Variants in CAST observed in about 807,000 individuals in gnomAD.
CAST encodes the protein calpastatin.
Under a neutral mutation model 119.6 loss-of-function variants are expected in CAST, and 76 were observed. The ratio of observed to expected loss-of-function variants is 0.64; its 90% CI spans 0.53 to 0.77. CAST has a LOEUF of 0.77. Ranked by LOEUF, CAST falls within the 30% of genes least tolerant of loss-of-function variation. The pLI is 0.00. For synonymous variants in CAST, 319 were observed against 331.6 expected, an observed-to-expected ratio of 0.96 and a Z score of 0.41; for missense variants, 953 against 946.5, an observed-to-expected ratio of 1.01 and a Z score of -0.09.
At chr5:96,714,597 G>C (rs971578679) in intron 3 of CAST, 1 of 152,116 alleles carries the variant, frequency 6.6e-6, no homozygotes, top group Non-Finnish European at 1.5e-5. Context: ...CAGAAAGTAG[G>C]CTGCATTTTC....
the CAST span, among the ~76,000 whole-genome samples, chr5:96,050,383 G>T: frequency 6.6e-6 from 1 of 151,988 alleles, no homozygotes; most frequent in Non-Finnish European, 1.5e-5. Context: ...AGGGTGGGAG[G>T]GGGTGGAATT....
At chr5:96,467,735 C>T in the CAST span, among the ~76,000 whole-genome samples, 3 of 151,792 alleles carry the variant, frequency 2.0e-5, no homozygotes, top group Middle Eastern at 3.4e-3. Flanking sequence ...AAAACAATAG[C>T]TGTTGGCGTG....
At chr5:96,643,781 G>A (rs1198750323) in intron 1 of CAST, among the ~76,000 whole-genome samples, 1 of 152,188 alleles carries the variant, frequency 6.6e-6, no homozygotes, top group East Asian at 1.9e-4. Context: ...GCTGAAGCAG[G>A]AGAATCGCTT....
intron 1 of CAST, among the ~76,000 whole-genome samples, chr5:96,648,314 G>A (rs1327552370): frequency 6.6e-6 from 1 of 152,104 alleles, no homozygotes; most frequent in Non-Finnish European, 1.5e-5. Context: ...TCAGGATAGA[G>A]TCACTCAGCA....
chr5:96,555,396 C>G (rs556635137), intron 1 of CAST, among the ~76,000 whole-genome samples: 1 of 152,154 alleles, frequency 6.6e-6, no homozygotes, highest in Non-Finnish European at 1.5e-5. Flanking sequence ...GTGGGTGCAG[C>G]GCACCCAGCG....
the CAST span, among the ~76,000 whole-genome samples, chr5:96,273,052 C>T: frequency 6.6e-6 from 1 of 152,244 alleles, no homozygotes; most frequent in East Asian, 1.9e-4. Context: ...ATATTTTACA[C>T]CAGTATACCT....
At chr5:96,056,051 C>T in the CAST span, among the ~76,000 whole-genome samples, 4 of 151,998 alleles carry the variant, frequency 2.6e-5, no homozygotes, top group Non-Finnish European at 5.9e-5. Context: ...TTGAAAACAT[C>T]GTTTTAAAGG....
chr5:96,376,747 A>G, the CAST span, among the ~76,000 whole-genome samples: 2 of 152,300 alleles, frequency 1.3e-5, no homozygotes, highest in East Asian at 1.9e-4. Context: ...GCCCCATACT[A>G]TATTTTTAAT....
chr5:96,629,683 C>G (rs1256562050), intron 1 of CAST, among the ~76,000 whole-genome samples: 1 of 152,190 alleles, frequency 6.6e-6, no homozygotes, highest in African/African-American at 2.4e-5. Context: ...CTTCCAATCT[C>G]ATTCTTTAAC....
chr5:96,692,021 A>G (rs1752783292), intron 2 of CAST, among the ~76,000 whole-genome samples: 1 of 152,222 alleles, frequency 6.6e-6, no homozygotes, highest in Non-Finnish European at 1.5e-5. Flanking sequence ...TACAATAGAT[A>G]TACAAAAAAG....
rs543265817 is a variant in CAST, at chr5:96,736,691, A to G, written c.699+451A>G. 8.6e-4 allele frequency among the ~76,000 whole-genome samples: 131 copies of G among 152,256 alleles called. 6 individuals carry two copies. In the South Asian group the frequency reaches 0.027, roughly 31 times the overall value. On this transcript the variant is annotated intron_variant, in intron 10 of 31. Transcript: ENST00000675179. ...ATGGTAGTTGCAAAAAAAAAAGACA[A>G]TTTAAATAATTATTTTTCATCTAAA...
At chr5:96,277,051 T>C in the CAST span, among the ~76,000 whole-genome samples, 1 of 152,250 alleles carries the variant, frequency 6.6e-6, no homozygotes, top group Non-Finnish European at 1.5e-5. Context: ...TATTCCATTG[T>C]ATAAATAAAC....
intron 3 of CAST, among the ~76,000 whole-genome samples, chr5:96,705,383 G>A (rs1754752939): frequency 6.6e-6 from 1 of 151,630 alleles, no homozygotes; most frequent in Non-Finnish European, 1.5e-5. Flanking sequence ...TTGATGGAAA[G>A]CCATAAAAAT....
the CAST span, among the ~76,000 whole-genome samples, chr5:96,014,571 A>T: frequency 1.3e-5 from 2 of 152,162 alleles, no homozygotes; most frequent in African/African-American, 4.8e-5. Flanking sequence ...CAAACACATG[A>T]GTAATGCATT....
At chr5:96,067,608 A>T in the CAST span, among the ~76,000 whole-genome samples, 2 of 152,330 alleles carry the variant, frequency 1.3e-5, no homozygotes, top group African/African-American at 4.8e-5. Flanking sequence ...ACCTGTGCTT[A>T]AAAAGATCCA....
At chr5:96,558,063 G>T (rs565744694) in intron 1 of CAST, among the ~76,000 whole-genome samples, 2 of 152,034 alleles carry the variant, frequency 1.3e-5, no homozygotes, top group Non-Finnish European at 1.5e-5. Flanking sequence ...ACTCAAAACC[G>T]CTCAACTACA....
In CAST at chr5:96,748,631, T is replaced by A. The variant is rs757640894; in HGVS notation, c.1428+18T>A. 2.5e-6 allele frequency: 3 copies of A among 1,189,626 alleles called. No homozygotes were observed. Among genetic ancestry groups the A allele is most frequent in the East Asian group, 4.7e-5 (2 of 42,886 alleles). The allele number at this position is 1,189,626 out of a possible 1,614,324, so 73.7% of individuals were successfully genotyped here. ...AGACAGAAGTATGTTTCTAAACATA[T>A]AAATCTCTAGTTTTGAGGTTTGTGA... On this transcript the variant is annotated intron_variant, in intron 19 of 31. Transcript: ENST00000675179.
the CAST span, among the ~76,000 whole-genome samples, chr5:96,257,862 T>C: frequency 3.9e-5 from 6 of 152,230 alleles, no homozygotes; most frequent in African/African-American, 1.2e-4. Context: ...CAAGGCGCAC[T>C]CTTTTTGCCA....
chr5:96,660,495 A>G (rs972341896), upstream of CAST, among the ~76,000 whole-genome samples: 4 of 152,226 alleles, frequency 2.6e-5, no homozygotes, highest in Non-Finnish European at 5.9e-5. Context: ...CAAGAAATAT[A>G]TAACTGGTTT....
Sources: gnomAD v4.1 joint callset for allele counts (sites outside exome capture counted in the v4.1 genomes callset) on GRCh38, gnomAD v4.1.1 for gene constraint, MANE v1.5 for transcripts, NCBI Gene and HGNC (gene_info 2026-07-23, HGNC 2026-07-21) for gene names.